The following CUEDC1 variants were observed in gnomAD, a reference collection of about 807,000 sequenced individuals.
CUEDC1 encodes the protein CUE domain containing 1.
CUEDC1 carries 30 observed loss-of-function variants against 43.7 expected under a neutral mutation model. The observed-to-expected ratio is 0.69, with a 90% CI of 0.51 to 0.93. The LOEUF (loss-of-function observed/expected upper bound fraction) is 0.93, where lower values mean the gene tolerates loss of function less well. CUEDC1 is among the 40% of genes least tolerant of loss of function. The pLI, the probability that CUEDC1 is intolerant of heterozygous loss-of-function variation, is 0.00. For missense variants in CUEDC1, 486 were observed against 549.0 expected (o/e 0.89, Z 1.15); for synonymous variants, 223 against 223.6 (o/e 1.00, Z 0.02).
At chr17:57,943,962 A>G (rs2074938124) in intron 1 of CUEDC1, among the ~76,000 whole-genome samples, 2 of 152,080 alleles carry the variant, frequency 1.3e-5, no homozygotes, top group African/African-American at 4.8e-5. Flanking sequence ...AAATACATCT[A>G]TGGACTCAGC....
intron 1 of CUEDC1, among the ~76,000 whole-genome samples, chr17:57,918,727 C>G (rs980457724): frequency 3.9e-5 from 6 of 152,236 alleles, no homozygotes; most frequent in Non-Finnish European, 5.9e-5. Context: ...CCACAACTGC[C>G]TGGGCTGGGT....
intron 1 of CUEDC1, among the ~76,000 whole-genome samples, chr17:57,950,008 T>C (rs1054649760): frequency 3.3e-5 from 5 of 152,152 alleles, no homozygotes; most frequent in Non-Finnish European, 7.4e-5. Flanking sequence ...CCTGAAAAAT[T>C]GGTATAATAT....
intron 1 of CUEDC1, among the ~76,000 whole-genome samples, chr17:57,943,645 T>C (rs185415932): frequency 2.3e-4 from 35 of 152,178 alleles, no homozygotes; most frequent in African/African-American, 8.2e-4. Context: ...TAAAATGGGA[T>C]AGGAGGGGAA....
rs144693081 is a variant in CUEDC1 at position 57,871,154 on chromosome 17, G to T, written c.868+132C>A. On this transcript the variant is annotated intron_variant, in intron 6 of 10. Coordinates refer to ENST00000577830, the MANE Select transcript of CUEDC1 (RefSeq NM_001271875.2). ...GGGGCAGAAGCAGCCCCGCCAGCCT[G>T]CTGAGGAGGCCCAGGCCCCCTCCCA... 664 of 731,922 alleles carry T rather than the reference G, an allele frequency of 9.1e-4. 1 individual carries two copies. The African/African-American group carries it at 0.01, about 11-fold the overall frequency. 45.3% of individuals were successfully genotyped at this position (731,922 alleles called of 1,614,324 possible).
intron 1 of CUEDC1, among the ~76,000 whole-genome samples, chr17:57,939,460 T>TG (rs2074894933): frequency 1.3e-5 from 1 of 78,326 alleles, no homozygotes; most frequent in African/African-American, 4.3e-5. Flanking sequence ...GAGATGTGGG[T>TG]GGGGGGAGAG....
In CUEDC1 at chr17:57,870,187, G is replaced by C. The variant is rs1036292233; in HGVS notation, c.869-994C>G. On this transcript the variant is annotated intron_variant, in intron 6 of 10. Transcript: ENST00000577830. ...CGAGGTGGGCAGCTTGTGTACATGT[G>C]GGGCAGGGGGCACTGACTGATGAGG... Among the ~76,000 whole-genome samples, 92 of 152,202 alleles carry C rather than the reference G, an allele frequency of 6.0e-4. 3 individuals are homozygous for C. The highest frequency in any genetic ancestry group is 5.9e-5 in the Non-Finnish European group (4 of 68,040).
chr17:57,911,514 T>C (rs1567714700), intron 1 of CUEDC1, among the ~76,000 whole-genome samples: 1 of 152,170 alleles, frequency 6.6e-6, no homozygotes, highest in Non-Finnish European at 1.5e-5. Context: ...TTTTCTTTTC[T>C]TTTTTTGAGA....
At chr17:57,874,592 A>G (rs1269757605) in intron 3 of CUEDC1, among the ~76,000 whole-genome samples, 1 of 152,072 alleles carries the variant, frequency 6.6e-6, no homozygotes, top group Non-Finnish European at 1.5e-5. Flanking sequence ...GGCAGCTCGG[A>G]GCCCGGCCAG....
chr17:57,882,413 G>A (rs1308396994), intron 2 of CUEDC1, among the ~76,000 whole-genome samples: 1 of 152,092 alleles, frequency 6.6e-6, no homozygotes, highest in Non-Finnish European at 1.5e-5. Flanking sequence ...GGCCTACCTA[G>A]GGGGTGGTGA....
In CUEDC1 at chr17:57,862,066, G is replaced by C. The variant is rs572751366; in HGVS notation, c.*1223C>G. The C allele has an allele frequency of 6.6e-6, 1 of 152,228 alleles. No individual in the cohort carries two copies. Among genetic ancestry groups the C allele is most frequent in the Non-Finnish European group, 1.5e-5 (1 of 68,058 alleles). 9.4% of individuals were successfully genotyped at this position (152,228 alleles called of 1,614,324 possible). ...GGGGCCACGGAGGCCACCAGGGCCCGGCCAAGGATCGGATGCCACTCCCAA... is the reference window on the plus strand; with the variant it reads ...GGGGCCACGGAGGCCACCAGGGCCCCGCCAAGGATCGGATGCCACTCCCAA... On this transcript the variant is annotated 3_prime_UTR_variant, in exon 11 of 11. Coordinates refer to ENST00000577830, the MANE Select transcript of CUEDC1 (RefSeq NM_001271875.2).
rs539586580 is a variant in CUEDC1, at chr17:57,938,795, T to C, written c.-316+16430A>G. On this transcript the variant is annotated intron_variant, in intron 1 of 10. Transcript: ENST00000577830. ...CTCCTGCCTCAGCCTCCTGAGTAGC[T>C]GGGATTACAGGCATGTGCCACCACG... Among the ~76,000 whole-genome samples, 476 of 151,928 alleles carry C rather than the reference T, an allele frequency of 3.1e-3. 4 individuals carry two copies. Among genetic ancestry groups the C allele is most frequent in the African/African-American group, 0.011 (446 of 41,454 alleles).
chr17:57,916,291 A>G (rs1467672406), intron 1 of CUEDC1, among the ~76,000 whole-genome samples: 1 of 152,262 alleles, frequency 6.6e-6, no homozygotes, highest in Admixed American at 6.5e-5. Context: ...TGCCTGAGGC[A>G]TGAGGGCAGG....
intron 1 of CUEDC1, among the ~76,000 whole-genome samples, chr17:57,909,284 C>G (rs1269681361): frequency 6.6e-6 from 1 of 152,072 alleles, no homozygotes; most frequent in African/African-American, 2.4e-5. Flanking sequence ...CATGAGCCAC[C>G]GCACCTAGCC....
At chr17:57,897,884 G>A (rs192188624) in intron 1 of CUEDC1, among the ~76,000 whole-genome samples, 3 of 152,222 alleles carry the variant, frequency 2.0e-5, no homozygotes, top group Non-Finnish European at 2.9e-5. Flanking sequence ...GTGGTGGCAG[G>A]TGCCTGTAAT....
chr17:57,947,030 G>A (rs914423491), intron 1 of CUEDC1, among the ~76,000 whole-genome samples: 5 of 151,514 alleles, frequency 3.3e-5, no homozygotes, highest in South Asian at 4.2e-4. Flanking sequence ...GCCTGAAACC[G>A]AAACTAATCT....
rs375270781 is a variant in CUEDC1 at position 57,896,487 on chromosome 17, G to GGGGGGGGT, written c.-315-10609_-315-10608insACCCCCCC. Among the ~76,000 whole-genome samples, 403 of 130,332 alleles carry GGGGGGGGT rather than the reference G, an allele frequency of 3.1e-3. 10 individuals are homozygous for GGGGGGGGT. Among genetic ancestry groups the GGGGGGGGT allele is most frequent in the South Asian group, 0.029 (115 of 4,006 alleles). 85.5% of individuals were successfully genotyped at this position (130,332 alleles called of 152,430 possible). A position where few individuals can be genotyped will look rare whatever the true frequency, so the allele number is the denominator to read the frequency against. On this transcript the variant is annotated intron_variant, in intron 1 of 10. Coordinates refer to ENST00000577830, the MANE Select transcript of CUEDC1 (RefSeq NM_001271875.2). ...GTCACTCTACTATAGTGCATTATGGGGTGTGTGTGTGTGTGTGTGTGTGTG... is the reference window on the plus strand; with the variant it reads ...GTCACTCTACTATAGTGCATTATGGGGGGGGGGTGTGTGTGTGTGTGTGTGTGTGTGTG...
At chr17:57,921,245 TG>T (rs137856853) in intron 1 of CUEDC1, among the ~76,000 whole-genome samples, 24,738 of 152,176 alleles carry the variant, frequency 0.16, 2,537 homozygotes, top group African/African-American at 0.29. Flanking sequence ...TGCTATAAAA[TG>T]GGGGGAACCC....
intron 1 of CUEDC1, among the ~76,000 whole-genome samples, chr17:57,949,796 T>G (rs1290306023): frequency 3.3e-5 from 5 of 151,764 alleles, no homozygotes; most frequent in Non-Finnish European, 7.4e-5. Flanking sequence ...ACTCTTGAGC[T>G]CAAGTGATCT....
chr17:57,882,253 C>T (rs899942082), intron 2 of CUEDC1, among the ~76,000 whole-genome samples: 7 of 151,524 alleles, frequency 4.6e-5, no homozygotes, highest in South Asian at 4.2e-4. Context: ...AAGCACTTTC[C>T]GCTGGCTCAG....
Sources: gnomAD v4.1 joint callset for allele counts (sites outside exome capture counted in the v4.1 genomes callset) on GRCh38, gnomAD v4.1.1 for gene constraint, MANE v1.5 for transcripts, NCBI Gene and HGNC (gene_info 2026-07-23, HGNC 2026-07-21) for gene names.